The following TENM2 variants were observed in gnomAD, a reference collection of about 807,000 sequenced individuals.
TENM2 encodes the protein teneurin-2.
Under a neutral mutation model 245.2 loss-of-function variants are expected in TENM2, and 52 were observed. The ratio of observed to expected loss-of-function variants is 0.21; its 90% CI spans 0.17 to 0.27. The LOEUF is 0.27. TENM2 is among the 10% of genes least tolerant of loss of function. TENM2 has a pLI of 1.00. For missense variants in TENM2, 3,046 were observed against 3,666.8 expected (o/e 0.83, Z 4.37); for synonymous variants, 1,363 against 1,438.9 (o/e 0.95, Z 1.19).
intron 2 of TENM2, among the ~76,000 whole-genome samples, chr5:167,406,085 A>G (rs1047514096): frequency 6.6e-6 from 1 of 152,144 alleles, no homozygotes; most frequent in Non-Finnish European, 1.5e-5. Context: ...ATAGAGTCAA[A>G]AATAGTGACT....
At chr5:167,669,368 G>A (rs1430687993) in intron 2 of TENM2, among the ~76,000 whole-genome samples, 1 of 152,054 alleles carries the variant, frequency 6.6e-6, no homozygotes. Context: ...ATATAGTTTT[G>A]TTCAAAATAA....
intron 11 of TENM2, among the ~76,000 whole-genome samples, chr5:168,125,264 G>A (rs762753782): frequency 5.9e-5 from 9 of 152,090 alleles, no homozygotes; most frequent in South Asian, 2.1e-4. Flanking sequence ...TACCATCACC[G>A]CAAATGCATG....
At chr5:167,138,331 G>A in the TENM2 span, among the ~76,000 whole-genome samples, 1 of 152,198 alleles carries the variant, frequency 6.6e-6, no homozygotes, top group African/African-American at 2.4e-5. Flanking sequence ...TGGACTCAGA[G>A]CAAACTTCTT....
intron 2 of TENM2, among the ~76,000 whole-genome samples, chr5:167,500,361 C>A (rs921625460): frequency 6.6e-6 from 1 of 152,006 alleles, no homozygotes; most frequent in Non-Finnish European, 1.5e-5. Flanking sequence ...TTCCCCAAAC[C>A]AAGTATGCTT....
chr5:167,989,715 T>C (rs1783527165), intron 4 of TENM2, among the ~76,000 whole-genome samples: 1 of 152,034 alleles, frequency 6.6e-6, no homozygotes, highest in South Asian at 2.1e-4. Context: ...TTTTCAGAAA[T>C]GAAATTGTTG....
chr5:167,347,962 C>T (rs1026097948), intron 1 of TENM2, among the ~76,000 whole-genome samples: 1 of 152,172 alleles, frequency 6.6e-6, no homozygotes, highest in South Asian at 2.1e-4. Context: ...AACCACCAAA[C>T]AGTCCCTCAT....
the TENM2 span, among the ~76,000 whole-genome samples, chr5:167,171,025 C>T: frequency 6.6e-6 from 1 of 152,280 alleles, no homozygotes; most frequent in African/African-American, 2.4e-5. Context: ...ACAGCTCTGT[C>T]GTGGGTCTTT....
intron 2 of TENM2, among the ~76,000 whole-genome samples, chr5:167,666,080 T>C (rs570184276): frequency 2.4e-4 from 37 of 152,344 alleles, no homozygotes; most frequent in Non-Finnish European, 4.4e-4. Flanking sequence ...ATGCAAGATG[T>C]GGCATTTGCC....
intron 2 of TENM2, among the ~76,000 whole-genome samples, chr5:167,443,944 T>A (rs1364448172): frequency 1.3e-5 from 2 of 152,152 alleles, no homozygotes; most frequent in African/African-American, 4.8e-5. Context: ...TCTGTTTTTT[T>A]ATCCCAGTAA....
the TENM2 span, among the ~76,000 whole-genome samples, chr5:167,045,289 C>T: frequency 7.9e-5 from 12 of 152,138 alleles, no homozygotes; most frequent in African/African-American, 2.9e-4. Flanking sequence ...GTTTCCTTAT[C>T]TGTAAAATCA....
chr5:167,346,775 A>G (rs1758481281), intron 1 of TENM2, among the ~76,000 whole-genome samples: 2 of 146,862 alleles, frequency 1.4e-5, no homozygotes, highest in Admixed American at 6.8e-5. Flanking sequence ...AGCCCCAACT[A>G]TTTTTTTTTT....
At chr5:167,257,342 G>A in the TENM2 span, among the ~76,000 whole-genome samples, 1 of 151,798 alleles carries the variant, frequency 6.6e-6, no homozygotes, top group African/African-American at 2.4e-5. Context: ...ATTTCATTGT[G>A]TGAGGTACTA....
intron 2 of TENM2, among the ~76,000 whole-genome samples, chr5:167,415,069 A>C (rs1031208310): frequency 4.6e-5 from 7 of 152,168 alleles, no homozygotes; most frequent in Non-Finnish European, 1.0e-4. Context: ...CCACAGGTAA[A>C]GAATTTTGCC....
chr5:167,451,090 C>G (rs1765552973), intron 2 of TENM2, among the ~76,000 whole-genome samples: 1 of 152,094 alleles, frequency 6.6e-6, no homozygotes, highest in South Asian at 2.1e-4. Flanking sequence ...TACAGGATGT[C>G]CATTAAATAA....
At chr5:167,899,357 G>C (rs1048868232) in intron 3 of TENM2, among the ~76,000 whole-genome samples, 1 of 152,208 alleles carries the variant, frequency 6.6e-6, no homozygotes, top group Non-Finnish European at 1.5e-5. Flanking sequence ...GACAGGCAAG[G>C]AGGGTGAGAT....
chr5:167,151,794 G>A, the TENM2 span, among the ~76,000 whole-genome samples: 4 of 152,168 alleles, frequency 2.6e-5, no homozygotes, highest in East Asian at 7.7e-4. Context: ...TGGAACTATA[G>A]GCGTGAGCCA....
chr5:167,591,715 C>T (rs1422512641), intron 2 of TENM2, among the ~76,000 whole-genome samples: 1 of 152,214 alleles, frequency 6.6e-6, no homozygotes, highest in Non-Finnish European at 1.5e-5. Flanking sequence ...CAGTATCCTG[C>T]AGGGGCTTGT....
At chr5:168,210,951 A>C (rs1051102258) in intron 19 of TENM2, among the ~76,000 whole-genome samples, 1 of 152,196 alleles carries the variant, frequency 6.6e-6, no homozygotes, top group African/African-American at 2.4e-5. Context: ...AAACAACAAC[A>C]AAATTTTTAC....
At chr5:166,983,318 G>GA in the TENM2 span, among the ~76,000 whole-genome samples, 1 of 152,088 alleles carries the variant, frequency 6.6e-6, no homozygotes, top group South Asian at 2.1e-4. Flanking sequence ...TTCTTAATGG[G>GA]AAAAAATGAA....
Sources: allele counts gnomAD v4.1 joint callset (sites outside exome capture counted in the v4.1 genomes callset), GRCh38; gene constraint gnomAD v4.1.1; transcripts MANE v1.5; gene names NCBI Gene and HGNC (gene_info 2026-07-23, HGNC 2026-07-21).